WIPF3: variants seen among roughly 807,000 people sequenced by gnomAD.
The protein encoded by WIPF3 is WAS/WASL interacting protein family member 3.
A neutral mutation model predicts 38.9 loss-of-function variants in WIPF3; 33 were observed. The observed-to-expected ratio is 0.85, with a 90% CI of 0.64 to 1.14. The LOEUF is 1.14. Among genes scored for constraint, WIPF3 ranks in the 50% most tolerant of loss-of-function variants. WIPF3 has a pLI of 0.00. For missense variants in WIPF3, 711 were observed against 652.5 expected (o/e 1.09, Z -0.98); for synonymous variants, 324 against 269.3 (o/e 1.20, Z -1.99).
chr7:29,827,856 A>G (rs1245055465), intron 1 of WIPF3, among the ~76,000 whole-genome samples: 1 of 152,130 alleles, frequency 6.6e-6, no homozygotes, highest in African/African-American at 2.4e-5. Flanking sequence ...GTGTAGTGGT[A>G]CAATCGCAGC....
At chr7:29,873,374 T>C (rs1044537443) in intron 2 of WIPF3, among the ~76,000 whole-genome samples, 1 of 152,182 alleles carries the variant, frequency 6.6e-6, no homozygotes, top group African/African-American at 2.4e-5. Flanking sequence ...CAAAGCACGC[T>C]TTTTTCCCCA....
At chr7:29,874,826 G>C (rs1454989077) in intron 2 of WIPF3, among the ~76,000 whole-genome samples, 2 of 152,148 alleles carry the variant, frequency 1.3e-5, no homozygotes, top group African/African-American at 4.8e-5. Context: ...GCAGAAATAG[G>C]ACAAAACTTT....
Position 29,884,354 on chromosome 7 carries a change from A to T in WIPF3, c.860A>T (p.Gln287Leu), listed in dbSNP as rs174965. ...AEPASPAQDA[Q>L]EPPAPPPPLP... is the part of the protein sequence containing the mutation. ...CCCGCCAGCCCTGCGCAAGATGCGCAGGAGCCTCCCGCCCCGCCGCCCCCG... is the reference window on the plus strand; with the variant it reads ...CCCGCCAGCCCTGCGCAAGATGCGCTGGAGCCTCCCGCCCCGCCGCCCCCG... Residue 287 changes from glutamine (Q) to leucine (L), a missense_variant, in exon 5 of 9, where the codon CAG (glutamine) becomes CTG (leucine). Transcript: ENST00000242140. 95,777 of 1,381,928 alleles carry T rather than the reference A, an allele frequency of 0.069. 3,634 individuals are homozygous for T. Among genetic ancestry groups the T allele is most frequent in the Non-Finnish European group, 0.076 (80,182 of 1,050,946 alleles). The allele number at this position is 1,381,928 out of a possible 1,614,324, so 85.6% of individuals were successfully genotyped here.
At chr7:29,837,233 G>A (rs2128065907) in intron 2 of WIPF3, among the ~76,000 whole-genome samples, 1 of 151,810 alleles carries the variant, frequency 6.6e-6, no homozygotes, top group Non-Finnish European at 1.5e-5. Flanking sequence ...GTGGGCGCCT[G>A]TAGTCCCAGC....
At chr7:29,826,494 A>G (rs1021265328) in intron 1 of WIPF3, among the ~76,000 whole-genome samples, 1 of 152,188 alleles carries the variant, frequency 6.6e-6, no homozygotes, top group Admixed American at 6.5e-5. Context: ...TGCTAGGGAA[A>G]CTGGAGATGA....
chr7:29,899,244 T>TC (rs1306155035), intron 7 of WIPF3, among the ~76,000 whole-genome samples: 1 of 152,218 alleles, frequency 6.6e-6, no homozygotes, highest in African/African-American at 2.4e-5. Flanking sequence ...GGCTAGGGCT[T>TC]CCACATATGA....
At chr7:29,829,428 A>T (rs193155056) in intron 1 of WIPF3, among the ~76,000 whole-genome samples, 1 of 152,022 alleles carries the variant, frequency 6.6e-6, no homozygotes, top group Admixed American at 6.6e-5. Context: ...CATGTTGGCC[A>T]GGCTGGTTTG....
At chr7:29,853,605 G>A (rs1360820374) in intron 2 of WIPF3, among the ~76,000 whole-genome samples, 1 of 152,188 alleles carries the variant, frequency 6.6e-6, no homozygotes, top group Non-Finnish European at 1.5e-5. Flanking sequence ...GGCTGGTGTG[G>A]CCCCTTCTTT....
intron 1 of WIPF3, among the ~76,000 whole-genome samples, chr7:29,824,716 G>A (rs1315594574): frequency 2.0e-5 from 3 of 152,108 alleles, no homozygotes; most frequent in African/African-American, 4.8e-5. Flanking sequence ...TGTCATGGAC[G>A]CTGATAGGTG....
At chr7:29,807,970 C>G (rs553909721) in intron 1 of WIPF3, among the ~76,000 whole-genome samples, 51 of 152,126 alleles carry the variant, frequency 3.4e-4, no homozygotes, top group African/African-American at 1.2e-3. Flanking sequence ...TTTTTTTTAA[C>G]TTTATCATTA....
intron 1 of WIPF3, among the ~76,000 whole-genome samples, chr7:29,833,836 T>G (rs573428810): frequency 6.6e-6 from 1 of 152,324 alleles, no homozygotes; most frequent in South Asian, 2.1e-4. Context: ...TTATAAACTA[T>G]GGGGTTTTTC....
chr7:29,884,268 G>T lies in WIPF3; in HGVS notation c.774G>T (p.Pro258=). 1 of 486,102 alleles carries T rather than the reference G, an allele frequency of 2.1e-6. No individual in the cohort carries two copies. Among genetic ancestry groups the T allele is most frequent in the Non-Finnish European group, 2.7e-6 (1 of 365,756 alleles). 30.1% of individuals were successfully genotyped at this position (486,102 alleles called of 1,614,324 possible). A position where few individuals can be genotyped will look rare whatever the true frequency, so the allele number is the denominator to read the frequency against. Residue 258 remains proline, a synonymous_variant, in exon 5 of 9, where the codon CCG becomes CCT. Transcript: ENST00000242140. ...CTCAGCTGGCTCCCTTGCACCTCCC[G>T]CCCATCCCGCCCCCGCTCCCTCTGC... ...VKPQLAPLHL[P]PIPPPLPLLP... is the part of the protein sequence containing the mutation.
intron 5 of WIPF3, among the ~76,000 whole-genome samples, chr7:29,887,122 C>T (rs1318679263): frequency 6.6e-6 from 1 of 152,218 alleles, no homozygotes; most frequent in African/African-American, 2.4e-5. Flanking sequence ...CCTTCATCTG[C>T]TCCAGAGTAG....
rs190874912 is a variant in WIPF3 at position 29,891,789 on chromosome 7, T to G, written c.1351+2382T>G. On this transcript the variant is annotated intron_variant, in intron 7 of 8. Transcript: ENST00000242140. The stretch of plus-strand genomic sequence containing the variant: ...GACCCCATAAGAGTGTCTTAATCAA[T>G]GATTGTTTAGAGTGCCAAGGGGGTG... 3.1e-3 allele frequency among the ~76,000 whole-genome samples: 477 copies of G among 152,246 alleles called. 2 individuals carry two copies. The highest frequency in any genetic ancestry group is 5.4e-3 in the Non-Finnish European group (367 of 68,004).
At position 29,916,289 on chromosome 7, in the gene WIPF3, G is replaced by A. The variant is rs10255756; in HGVS notation, c.*1773G>A. On this transcript the variant is annotated 3_prime_UTR_variant, in exon 9 of 9. Transcript: ENST00000242140. ...CTCACAGTTGTGTAAAATAATTATA[G>A]AAGTTTTAATGATCCTGATTAAGAA... 0.35 allele frequency: 53,347 copies of A among 152,068 alleles called. 9,657 individuals carry two copies. Among genetic ancestry groups the A allele is most frequent in the African/African-American group, 0.42 (17,562 of 41,470 alleles). 9.4% of individuals were successfully genotyped at this position (152,068 alleles called of 1,614,324 possible). A position where few individuals can be genotyped will look rare whatever the true frequency, so the allele number is the denominator to read the frequency against.
chr7:29,896,351 A>C (rs985259573), intron 7 of WIPF3, among the ~76,000 whole-genome samples: 6 of 152,100 alleles, frequency 3.9e-5, no homozygotes, highest in African/African-American at 1.4e-4. Context: ...ACAGTGGCTC[A>C]TGTCTCTAAT....
chr7:29,848,904 A>G (rs1002615531), intron 2 of WIPF3, among the ~76,000 whole-genome samples: 3 of 152,168 alleles, frequency 2.0e-5, no homozygotes, highest in African/African-American at 7.2e-5. Flanking sequence ...ACAATTTTTC[A>G]TAGTAAAAAA....
In WIPF3 at chr7:29,886,276, C is replaced by T. The variant is rs1029674226; in HGVS notation, c.1099+1683C>T. Among the ~76,000 whole-genome samples, 4 of 149,912 alleles carry T rather than the reference C, an allele frequency of 2.7e-5. No homozygotes were observed. The Admixed American group carries it at 2.7e-4, about 10-fold the overall frequency. On this transcript the variant is annotated intron_variant, in intron 5 of 8. Coordinates refer to ENST00000242140, the MANE Select transcript of WIPF3 (RefSeq NM_001080529.3). ...ATTGACTGGTCACCATGAGGGCCAG[C>T]ATTTGGGCTGATAAGCCCCTTCTGA... is the stretch of plus-strand genomic sequence containing the variant.
At chr7:29,888,504 T>TGCGTGTGC (rs201848708) in intron 6 of WIPF3, among the ~76,000 whole-genome samples, 18 of 145,504 alleles carry the variant, frequency 1.2e-4, no homozygotes, top group African/African-American at 2.0e-4. Flanking sequence ...CGTGTGCGTG[T>TGCGTGTGC]GTGTGCGTGT....
Sources: gnomAD v4.1 joint callset for allele counts (sites outside exome capture counted in the v4.1 genomes callset) on GRCh38, gnomAD v4.1.1 for gene constraint, MANE v1.5 for transcripts, NCBI Gene and HGNC (gene_info 2026-07-23, HGNC 2026-07-21) for gene names.